The following SAMD12 variants were observed in gnomAD, a reference collection of about 807,000 sequenced individuals.
SAMD12 encodes the protein sterile alpha motif domain-containing protein 12.
SAMD12 carries 9 observed loss-of-function variants against 15.0 expected under a neutral mutation model. The ratio of observed to expected loss-of-function variants is 0.60; its 90% CI spans 0.36 to 1.05. The LOEUF (loss-of-function observed/expected upper bound fraction) is 1.05. Ranked by LOEUF, SAMD12 falls within the 50% of genes least tolerant of loss-of-function variation. The pLI is 0.01. For missense variants in SAMD12, 230 were observed against 234.2 expected, an observed-to-expected ratio of 0.98 and a Z score of 0.12; for synonymous variants, 86 against 90.1, an observed-to-expected ratio of 0.96 and a Z score of 0.25.
intron 1 of SAMD12, among the ~76,000 whole-genome samples, chr8:118,605,028 T>A (rs1401092968): frequency 6.6e-6 from 1 of 152,208 alleles, no homozygotes; most frequent in Non-Finnish European, 1.5e-5. Context: ...TAGACGAGCA[T>A]AGGTTAAGAA....
chr8:118,297,522 T>C (rs1447276358), intron 4 of SAMD12, among the ~76,000 whole-genome samples: 1 of 152,166 alleles, frequency 6.6e-6, no homozygotes, highest in African/African-American at 2.4e-5. Flanking sequence ...AAAAAGCATA[T>C]ATATATGCCA....
At chr8:118,450,900 G>A (rs1361523827) in intron 2 of SAMD12, among the ~76,000 whole-genome samples, 5 of 152,132 alleles carry the variant, frequency 3.3e-5, no homozygotes, top group Admixed American at 2.6e-4. Context: ...GAGAACGTGT[G>A]TGGTCAAGCC....
chr8:118,159,774 G>T, the SAMD12 span, among the ~76,000 whole-genome samples: 1 of 145,032 alleles, frequency 6.9e-6, no homozygotes, highest in Non-Finnish European at 1.5e-5. Context: ...GCAGCGCAAT[G>T]GTACGATCTC....
chr8:118,436,892 G>T (rs779229617), intron 3 of SAMD12, among the ~76,000 whole-genome samples: 12 of 152,174 alleles, frequency 7.9e-5, no homozygotes, highest in Non-Finnish European at 1.6e-4. Flanking sequence ...ACACTATGAG[G>T]TAGATACTAT....
intron 4 of SAMD12, among the ~76,000 whole-genome samples, chr8:118,333,439 T>A (rs1180183186): frequency 1.3e-5 from 2 of 152,158 alleles, no homozygotes; most frequent in East Asian, 1.9e-4. Context: ...CCCAAGTGTA[T>A]CACTTCTGAA....
intron 1 of SAMD12, among the ~76,000 whole-genome samples, chr8:118,593,642 C>A (rs1827643764): frequency 6.6e-6 from 1 of 152,140 alleles, no homozygotes; most frequent in African/African-American, 2.4e-5. Flanking sequence ...TTGAATAGTG[C>A]AAGTTTGAAA....
At chr8:118,617,308 T>G (rs907308093) in intron 1 of SAMD12, among the ~76,000 whole-genome samples, 4 of 152,266 alleles carry the variant, frequency 2.6e-5, no homozygotes, top group African/African-American at 4.8e-5. Flanking sequence ...TGACGCTATC[T>G]CATTTCCCAT....
chr8:118,618,028 G>GT (rs11308490), intron 1 of SAMD12, among the ~76,000 whole-genome samples: 2,630 of 145,488 alleles, frequency 0.018, 30 homozygotes, highest in Middle Eastern at 0.035. Flanking sequence ...CATTGTTTTT[G>GT]TTTTTTTTTT....
intron 2 of SAMD12, among the ~76,000 whole-genome samples, chr8:118,479,690 C>T (rs901057595): frequency 1.3e-5 from 2 of 152,140 alleles, no homozygotes; most frequent in Non-Finnish European, 2.9e-5. Flanking sequence ...AAAATGTCAG[C>T]TATTCAGCAA....
chr8:118,185,796 C>A (rs368618320), downstream of SAMD12, among the ~76,000 whole-genome samples: 114 of 152,296 alleles, frequency 7.5e-4, no homozygotes, highest in African/African-American at 2.6e-3. Flanking sequence ...CGGGGTTGAA[C>A]ATGTAGTAGC....
At chr8:118,271,069 G>T (rs2130111215) in intron 4 of SAMD12, among the ~76,000 whole-genome samples, 1 of 152,238 alleles carries the variant, frequency 6.6e-6, no homozygotes, top group Non-Finnish European at 1.5e-5. Context: ...TGAATGCATA[G>T]AAAGAATGTG....
intron 4 of SAMD12, among the ~76,000 whole-genome samples, chr8:118,218,187 A>G (rs537941175): frequency 1.3e-5 from 2 of 152,308 alleles, no homozygotes; most frequent in African/African-American, 4.8e-5. Context: ...CCCGTTGTGG[A>G]TCAGTAATAA....
chr8:118,176,117 C>T, the SAMD12 span, among the ~76,000 whole-genome samples: 18 of 152,046 alleles, frequency 1.2e-4, no homozygotes, highest in Admixed American at 5.9e-4. Context: ...CTGGCTAACA[C>T]GGTGAAACCC....
At position 118,400,037 on chromosome 8, in the gene SAMD12, T is replaced by C. The variant is rs375495058; in HGVS notation, c.323-20337A>G. Among the ~76,000 whole-genome samples the C allele has an allele frequency of 7.4e-4, 112 of 152,292 alleles. 2 individuals are homozygous for C. The South Asian group carries it at 0.022, about 29-fold the overall frequency. On this transcript the variant is annotated intron_variant, in intron 3 of 3. Transcript: ENST00000314727. Reference sequence around the variant, plus strand: ...ATCTATTGATTTTATGTGTGCCTCATTTTCCATAAAACACTATGAGCACTA... The same window carrying C: ...ATCTATTGATTTTATGTGTGCCTCACTTTCCATAAAACACTATGAGCACTA...
chr8:118,533,505 C>T (rs769779033), intron 2 of SAMD12, among the ~76,000 whole-genome samples: 1 of 152,186 alleles, frequency 6.6e-6, no homozygotes, highest in Non-Finnish European at 1.5e-5. Flanking sequence ...TATTAACTTT[C>T]TGTCTCGTTG....
chr8:118,411,986 T>C (rs1471290878), intron 3 of SAMD12, among the ~76,000 whole-genome samples: 1 of 152,160 alleles, frequency 6.6e-6, no homozygotes, highest in African/African-American at 2.4e-5. Context: ...TTTTAAAGGA[T>C]TGTTTTAAAA....
chr8:118,506,828 C>A (rs74900471), intron 2 of SAMD12, among the ~76,000 whole-genome samples: 3,480 of 150,026 alleles, frequency 0.023, 109 homozygotes, highest in African/African-American at 0.075. Flanking sequence ...GAAAGTGTGA[C>A]TGGCTGGGTG....
At chr8:118,201,700 T>G (rs1350828746) in intron 4 of SAMD12, among the ~76,000 whole-genome samples, 2 of 152,218 alleles carry the variant, frequency 1.3e-5, no homozygotes, top group Non-Finnish European at 2.9e-5. Flanking sequence ...CTGGTCTGCA[T>G]GTGGAGAGTG....
At chr8:118,275,234 A>G (rs750498592) in intron 4 of SAMD12, among the ~76,000 whole-genome samples, 5 of 152,146 alleles carry the variant, frequency 3.3e-5, no homozygotes, top group Non-Finnish European at 5.9e-5. Context: ...TTTCTCCTTT[A>G]GTAAGTTGAT....
Sources: gnomAD v4.1 joint callset for allele counts (sites outside exome capture counted in the v4.1 genomes callset) on GRCh38, gnomAD v4.1.1 for gene constraint, MANE v1.5 for transcripts, NCBI Gene and HGNC (gene_info 2026-07-23, HGNC 2026-07-21) for gene names.